NEO1: variants seen among roughly 807,000 people sequenced by gnomAD.
The protein encoded by NEO1 is neogenin.
In NEO1, 63 loss-of-function variants were observed where a neutral mutation model predicts 159.7. The ratio of observed to expected loss-of-function variants is 0.39; its 90% CI spans 0.32 to 0.49. NEO1 has a LOEUF of 0.49. NEO1 is among the 20% of genes least tolerant of loss of function. NEO1 has a pLI of 0.85. For synonymous variants in NEO1, 633 were observed against 662.0 expected, an observed-to-expected ratio of 0.96 and a Z score of 0.67; for missense variants, 1,615 against 1,831.0, an observed-to-expected ratio of 0.88 and a Z score of 2.15.
chr15:73,055,909 C>G (rs969310180), intron 1 of NEO1, among the ~76,000 whole-genome samples: 2 of 152,318 alleles, frequency 1.3e-5, no homozygotes, highest in Middle Eastern at 6.8e-3. Flanking sequence ...TCAGCTGTTT[C>G]TTGACTCTGA....
chr15:73,071,786 G>A (rs1316437534), intron 1 of NEO1, among the ~76,000 whole-genome samples: 1 of 152,176 alleles, frequency 6.6e-6, no homozygotes, highest in Non-Finnish European at 1.5e-5. Context: ...AGATTGCTGG[G>A]ATTACAGGTG....
chr15:73,168,542 C>A (rs916438164), intron 5 of NEO1, among the ~76,000 whole-genome samples: 2 of 151,584 alleles, frequency 1.3e-5, no homozygotes, highest in African/African-American at 2.4e-5. Flanking sequence ...TACCTGTTAG[C>A]TAAATTGAGG....
intron 27 of NEO1, among the ~76,000 whole-genome samples, chr15:73,300,463 C>G (rs2042568518): frequency 6.6e-6 from 1 of 152,244 alleles, no homozygotes; most frequent in African/African-American, 2.4e-5. Flanking sequence ...GGCGCGGTGG[C>G]TCACGCTTGT....
intron 9 of NEO1, among the ~76,000 whole-genome samples, chr15:73,244,972 A>AAAAAAAAAAAC: frequency 6.8e-6 from 1 of 147,310 alleles, no homozygotes; most frequent in Non-Finnish European, 1.5e-5. Context: ...AAAAAAAAAA[A>AAAAAAAAAAAC]AAAAAAAAAA....
intron 7 of NEO1, among the ~76,000 whole-genome samples, chr15:73,208,733 G>A (rs1014285581): frequency 3.9e-5 from 6 of 152,124 alleles, no homozygotes; most frequent in East Asian, 3.9e-4. Context: ...ATCGTGGCAC[G>A]CGCCTGTAGT....
intron 1 of NEO1, among the ~76,000 whole-genome samples, chr15:73,079,993 T>C (rs986462613): frequency 2.0e-5 from 3 of 152,234 alleles, no homozygotes; most frequent in African/African-American, 4.8e-5. Context: ...GAATTGTTTT[T>C]TCTCTCTCTT....
At position 73,112,280 on chromosome 15, in the gene NEO1, A is replaced by G. The variant is rs535995537; in HGVS notation, c.131-4260A>G. Among the ~76,000 whole-genome samples, 12 of 152,206 alleles carry G rather than the reference A, an allele frequency of 7.9e-5. No homozygotes were observed. In the South Asian group the frequency reaches 2.3e-3, roughly 29 times the overall value. ...ACGGATCAAATCCATCCAGCCACCT[A>G]TTTGTATAAATAAAGTTTTGTTGGA... On this transcript the variant is annotated intron_variant, in intron 1 of 28. Coordinates refer to ENST00000261908, the MANE Select transcript of NEO1 (RefSeq NM_002499.4).
At chr15:73,142,575 C>T (rs1182394874) in intron 5 of NEO1, among the ~76,000 whole-genome samples, 3 of 152,002 alleles carry the variant, frequency 2.0e-5, no homozygotes, top group African/African-American at 7.2e-5. Flanking sequence ...ATACCTGTAG[C>T]ATCCAACATC....
At chr15:73,198,528 G>GT (rs565391675) in intron 7 of NEO1, among the ~76,000 whole-genome samples, 103 of 143,910 alleles carry the variant, frequency 7.2e-4, no homozygotes, top group African/African-American at 8.9e-4. Flanking sequence ...AAAGCTTTTG[G>GT]TTTTTTTTTT....
chr15:73,249,585 T>G lies in NEO1; in HGVS notation c.1758T>G (p.Asp586Glu), dbSNP rs750504648. The part of the protein sequence containing the change: ...YMEKGTDKEQ[D>E]VDVSSHSYTI... ...TAAAGTGTTTTATTTTATTCAAGGA[T>G]GTTGATGTTTCAAGTCACTCTTACA... Residue 586 changes from aspartate (D) to glutamate (E), a missense_variant and splice_region_variant, in exon 11 of 29, where the codon GAT (aspartate) becomes GAG (glutamate). Asp to Glu is a conservative substitution (Grantham distance 45, BLOSUM62 2). This residue lies in a region of NEO1 where 1,018 missense variants were observed against 1,115.4 expected (regional missense o/e 0.91). Coordinates refer to ENST00000261908, the MANE Select transcript of NEO1 (RefSeq NM_002499.4). The G allele has an allele frequency of 1.9e-6, 3 of 1,598,630 alleles. No individual in the cohort carries two copies.
At chr15:73,168,491 G>A (rs1040190179) in intron 5 of NEO1, among the ~76,000 whole-genome samples, 7 of 151,592 alleles carry the variant, frequency 4.6e-5, no homozygotes, top group African/African-American at 1.2e-4. Context: ...GAGCCACCGC[G>A]CTGGCCGAGA....
At chr15:73,198,298 G>A (rs1411769898) in intron 7 of NEO1, among the ~76,000 whole-genome samples, 3 of 151,124 alleles carry the variant, frequency 2.0e-5, no homozygotes, top group African/African-American at 7.3e-5. Flanking sequence ...ATATTCTCTG[G>A]GCTATAATTT....
At chr15:73,160,291 C>G (rs1248595809) in intron 5 of NEO1, among the ~76,000 whole-genome samples, 1 of 152,176 alleles carries the variant, frequency 6.6e-6, no homozygotes, top group African/African-American at 2.4e-5. Context: ...CCCCACACAC[C>G]AAGCAGTACT....
At chr15:73,241,014 T>C (rs886372777) in intron 8 of NEO1, among the ~76,000 whole-genome samples, 1 of 152,224 alleles carries the variant, frequency 6.6e-6, no homozygotes, top group African/African-American at 2.4e-5. Context: ...TGAGAATGTA[T>C]GCCACTACCT....
chr15:73,288,792 C>T (rs2042049101), intron 24 of NEO1, among the ~76,000 whole-genome samples: 1 of 152,106 alleles, frequency 6.6e-6, no homozygotes, highest in Non-Finnish European at 1.5e-5. Context: ...CAGGCTTCAG[C>T]AGCGTGATAT....
intron 7 of NEO1, among the ~76,000 whole-genome samples, chr15:73,217,680 C>G (rs1030692516): frequency 1.9e-4 from 29 of 152,118 alleles, no homozygotes; most frequent in African/African-American, 5.8e-4. Flanking sequence ...GTATTTTATT[C>G]TCTTTGAAGC....
chr15:73,140,165 T>A (rs1345086976), intron 5 of NEO1, among the ~76,000 whole-genome samples: 1 of 152,228 alleles, frequency 6.6e-6, no homozygotes, highest in South Asian at 2.1e-4. Context: ...TACCAGACAT[T>A]GGTTAGGATG....
intron 1 of NEO1, among the ~76,000 whole-genome samples, chr15:73,098,143 T>G (rs1440195369): frequency 6.6e-6 from 1 of 151,838 alleles, no homozygotes; most frequent in Admixed American, 6.6e-5. Context: ...AATAAAATGG[T>G]CATTAAAACA....
chr15:73,222,892 C>CA (rs1302867062), intron 7 of NEO1, among the ~76,000 whole-genome samples: 1 of 152,108 alleles, frequency 6.6e-6, no homozygotes, highest in Non-Finnish European at 1.5e-5. Context: ...TGTGCTCTTT[C>CA]AGTCTCTGAT....
Sources: gnomAD v4.1 joint callset for allele counts (sites outside exome capture counted in the v4.1 genomes callset) on GRCh38, gnomAD v4.1.1 for gene constraint, gnomAD v4.1.1 regional missense constraint, MANE v1.5 for transcripts, NCBI Gene and HGNC (gene_info 2026-07-23, HGNC 2026-07-21) for gene names.